GRIP1: variants seen among roughly 807,000 people sequenced by gnomAD.
The protein encoded by GRIP1 is glutamate receptor-interacting protein 1.
Under a neutral mutation model 129.9 loss-of-function variants are expected in GRIP1, and 45 were observed. The observed-to-expected ratio is 0.35, with a 90% CI of 0.27 to 0.44. The LOEUF (loss-of-function observed/expected upper bound fraction) is 0.44. GRIP1 is among the 20% of genes least tolerant of loss of function. GRIP1 has a pLI of 1.00. For synonymous variants in GRIP1, 530 were observed against 520.8 expected (o/e 1.02, Z -0.24); for missense variants, 1,196 against 1,396.8 (o/e 0.86, Z 2.29).
intron 1 of GRIP1, among the ~76,000 whole-genome samples, chr12:66,865,479 T>G (rs2040187876): frequency 6.6e-6 from 1 of 152,094 alleles, no homozygotes; most frequent in African/African-American, 2.4e-5. Context: ...GTAGTTTTTT[T>G]TTTTTGCATG....
chr12:66,658,791 G>T (rs1254097313), intron 1 of GRIP1, among the ~76,000 whole-genome samples: 1 of 151,666 alleles, frequency 6.6e-6, no homozygotes, highest in Admixed American at 6.6e-5. Context: ...AGGTGTGGTG[G>T]CATGCACCTG....
intron 7 of GRIP1, among the ~76,000 whole-genome samples, chr12:66,466,420 G>A (rs1276465027): frequency 6.6e-6 from 1 of 152,184 alleles, no homozygotes; most frequent in East Asian, 1.9e-4. Context: ...GAACAAATGA[G>A]AAAGCTCATG....
At chr12:66,631,814 CG>C (rs1219855210) in intron 1 of GRIP1, among the ~76,000 whole-genome samples, 1 of 152,184 alleles carries the variant, frequency 6.6e-6, no homozygotes, top group Admixed American at 6.5e-5. Context: ...AGTATTTTAA[CG>C]TGACAGAACT....
chr12:66,513,446 C>A (rs1005423593), intron 7 of GRIP1, among the ~76,000 whole-genome samples: 1 of 151,498 alleles, frequency 6.6e-6, no homozygotes, highest in African/African-American at 2.4e-5. Flanking sequence ...ATTAAAGCTT[C>A]CCCTCCAAGA....
chr12:66,712,956 A>G (rs928253839), intron 1 of GRIP1, among the ~76,000 whole-genome samples: 1 of 151,992 alleles, frequency 6.6e-6, no homozygotes, highest in Non-Finnish European at 1.5e-5. Context: ...ATATCAGCCA[A>G]TGATTAAGTC....
At chr12:66,503,493 A>G (rs370907908) in intron 7 of GRIP1, among the ~76,000 whole-genome samples, 48 of 152,240 alleles carry the variant, frequency 3.2e-4, no homozygotes, top group African/African-American at 9.4e-4. Flanking sequence ...TTCCAAGTGT[A>G]CTTTCCTTTC....
rs145277913 is a variant in GRIP1 at position 66,725,295 on chromosome 12, C to T, written c.-420+78758G>A. Among the ~76,000 whole-genome samples, 478 of 151,888 alleles carry T rather than the reference C, an allele frequency of 3.1e-3. 2 individuals are homozygous for T. Among genetic ancestry groups the T allele is most frequent in the African/African-American group, 0.011 (449 of 41,402 alleles). The stretch of plus-strand genomic sequence containing the variant: ...TCCAGTCTGGGCAACAGAGTAAGAG[C>T]CTGTCTCAAAAAAACACAAAAATCG... On this transcript the variant is annotated intron_variant, in intron 1 of 4. Transcript: ENST00000538373.
chr12:66,384,094 G>A (rs1336827783), intron 19 of GRIP1, among the ~76,000 whole-genome samples: 1 of 152,162 alleles, frequency 6.6e-6, no homozygotes, highest in Non-Finnish European at 1.5e-5. Flanking sequence ...GTAAGTCAAT[G>A]TATTATTAGA....
chr12:66,502,303 T>G (rs1056567267), intron 7 of GRIP1, among the ~76,000 whole-genome samples: 1 of 152,128 alleles, frequency 6.6e-6, no homozygotes, highest in African/African-American at 2.4e-5. Flanking sequence ...AGAGAAAAAT[T>G]TATAAGTTAT....
At chr12:66,685,270 G>A (rs1007597920) in intron 1 of GRIP1, among the ~76,000 whole-genome samples, 7 of 152,130 alleles carry the variant, frequency 4.6e-5, no homozygotes, top group Admixed American at 2.0e-4. Context: ...TAGTTCTTTG[G>A]GGGCAGGGGG....
At chr12:66,657,713 C>T (rs189208511) in intron 1 of GRIP1, among the ~76,000 whole-genome samples, 2 of 152,174 alleles carry the variant, frequency 1.3e-5, no homozygotes, top group East Asian at 1.9e-4. Context: ...CCAGCCCTGA[C>T]GGGTTTCCTT....
chr12:66,365,098 T>C (rs1345322882), intron 23 of GRIP1, among the ~76,000 whole-genome samples: 2 of 152,220 alleles, frequency 1.3e-5, no homozygotes, highest in Admixed American at 6.5e-5. Context: ...CATAGATGTA[T>C]ATAATTATTA....
At chr12:66,910,813 G>A (rs139060421) in intron 1 of GRIP1, among the ~76,000 whole-genome samples, 52 of 152,174 alleles carry the variant, frequency 3.4e-4, no homozygotes, top group African/African-American at 1.2e-3. Context: ...GTGCTTCAAG[G>A]ACTCAGAGGG....
At chr12:66,634,914 CA>C (rs2031205638) in intron 1 of GRIP1, among the ~76,000 whole-genome samples, 1 of 152,196 alleles carries the variant, frequency 6.6e-6, no homozygotes, top group African/African-American at 2.4e-5. Context: ...GACCCAATAA[CA>C]GAAATTTATT....
At chr12:66,646,577 T>A (rs1227497526) in intron 1 of GRIP1, among the ~76,000 whole-genome samples, 1 of 152,186 alleles carries the variant, frequency 6.6e-6, no homozygotes, top group Non-Finnish European at 1.5e-5. Context: ...GGTGACCACA[T>A]AAGAGAGGTA....
At chr12:66,605,573 G>T (rs1592635908) in intron 1 of GRIP1, among the ~76,000 whole-genome samples, 1 of 152,120 alleles carries the variant, frequency 6.6e-6, no homozygotes, top group East Asian at 1.9e-4. Context: ...CTGTGGGGCG[G>T]AGCATTCCTG....
chr12:66,809,771 C>G (rs1043440047), intron 1 of GRIP1, among the ~76,000 whole-genome samples: 3 of 151,888 alleles, frequency 2.0e-5, no homozygotes, highest in African/African-American at 7.3e-5. Flanking sequence ...GCGATCCTCC[C>G]ACCTCAGCCT....
intron 1 of GRIP1, among the ~76,000 whole-genome samples, chr12:66,969,958 A>G (rs751639202): frequency 3.3e-5 from 5 of 152,264 alleles, no homozygotes; most frequent in South Asian, 2.1e-4. Context: ...TTTTTCTATT[A>G]GAGCCCTTAA....
At chr12:66,760,094 T>A (rs2037426144) in intron 1 of GRIP1, among the ~76,000 whole-genome samples, 2 of 152,132 alleles carry the variant, frequency 1.3e-5, no homozygotes, top group South Asian at 4.1e-4. Context: ...GACCTTGTGA[T>A]CCATGTGCCT....
Sources: allele counts gnomAD v4.1 joint callset (sites outside exome capture counted in the v4.1 genomes callset), GRCh38; gene constraint gnomAD v4.1.1; transcripts MANE v1.5; gene names NCBI Gene and HGNC (gene_info 2026-07-23, HGNC 2026-07-21).